The following TRANK1 variants were observed in gnomAD, a reference collection of about 807,000 sequenced individuals.
TRANK1 encodes tetratricopeptide repeat and ankyrin repeat containing 1, also known as TPR and ankyrin repeat-containing protein 1.
In TRANK1, 198 loss-of-function variants were observed where a neutral mutation model predicts 266.0. The observed-to-expected ratio is 0.74, with a 90% CI of 0.66 to 0.84. TRANK1 has a LOEUF of 0.84. Among genes scored for constraint, TRANK1 ranks in the 40% least tolerant of loss-of-function variants. The pLI, the probability that TRANK1 is intolerant of heterozygous loss-of-function variation, is 0.00. For synonymous variants in TRANK1, 1,396 were observed against 1,384.1 expected (o/e 1.01, Z -0.19); for missense variants, 3,326 against 3,634.6 (o/e 0.92, Z 2.18).
chr3:36,880,813 A>C (rs1196631507), intron 8 of TRANK1: 2 of 151,626 alleles, frequency 1.3e-5, no homozygotes, highest in African/African-American at 4.9e-5. Flanking sequence ...ATATGTATAC[A>C]TGTGCCATGT....
At chr3:36,829,420 T>C in intron 23 of TRANK1, 144 bp downstream of exon 23, 1 of 678,300 alleles carries the variant, frequency 1.5e-6, no homozygotes, top group South Asian at 1.9e-5. Flanking sequence ...GTAATTTGAG[T>C]CACTGGAGGT....
intron 10 of TRANK1, among the ~76,000 whole-genome samples, chr3:36,861,855 G>A (rs1447457199): frequency 6.6e-6 from 1 of 151,830 alleles, no homozygotes; most frequent in Non-Finnish European, 1.5e-5. Context: ...ACAGGCGCCC[G>A]CCACAACACC....
chr3:36,943,596 A>G (rs972675629), intron 1 of TRANK1, among the ~76,000 whole-genome samples: 1 of 149,926 alleles, frequency 6.7e-6, no homozygotes. Context: ...CAAACTCCTG[A>G]CCACCGTCCC....
chr3:36,888,799 T>C (rs1010169276), intron 8 of TRANK1, among the ~76,000 whole-genome samples: 1 of 152,218 alleles, frequency 6.6e-6, no homozygotes, highest in Non-Finnish European at 1.5e-5. Context: ...AGCTCATGCC[T>C]GTATCCCAGT....
chr3:36,852,462 T>C, intron 13 of TRANK1, 117 bp from the exon 14 acceptor site: 4 of 936,052 alleles, frequency 4.3e-6, no homozygotes, highest in Non-Finnish European at 6.2e-6. Flanking sequence ...ACAGTATGTA[T>C]AATTGCAAGC....
chr3:36,886,904 ATTTTTTT>A (rs11445289), intron 8 of TRANK1, among the ~76,000 whole-genome samples: 2 of 117,644 alleles, frequency 1.7e-5, no homozygotes, highest in African/African-American at 6.6e-5. Context: ...TTTTTGTTGG[ATTTTTTT>A]TTTTTTTTTT....
chr3:36,883,757 A>G (rs2079564350), intron 8 of TRANK1, among the ~76,000 whole-genome samples: 1 of 152,254 alleles, frequency 6.6e-6, no homozygotes, highest in African/African-American at 2.4e-5. Context: ...TCCTAGAACC[A>G]TGGTAATATT....
intron 1 of TRANK1, among the ~76,000 whole-genome samples, chr3:36,924,693 G>A (rs921075880): frequency 2.0e-5 from 3 of 152,154 alleles, no homozygotes; most frequent in Non-Finnish European, 2.9e-5. Flanking sequence ...CCCCCTCCTC[G>A]TTGCCCTAAG....
rs759413197 is a variant in TRANK1, at chr3:36,829,640, C to T, written c.8733G>A (p.Leu2911=). 2 of 1,613,806 alleles carry T rather than the reference C, an allele frequency of 1.2e-6. No homozygotes were observed. The highest frequency in any genetic ancestry group is 1.7e-5 in the Admixed American group (1 of 60,006). The change falls in exon 23 of 24, where the codon CTG becomes CTA. Residue 2911 remains leucine, a synonymous_variant. Coordinates refer to ENST00000645898, the MANE Select transcript of TRANK1 (RefSeq NM_001329998.2). ...TGACTGACAGGATCAGAATGTTGAC[C>T]AGCCGAGTCATCGCCTCCTCCGCTT... is the stretch of plus-strand genomic sequence containing the variant. The part of the protein sequence containing the change: ...WAGAEEAMTR[L]VNILILSVRD...
intron 10 of TRANK1, among the ~76,000 whole-genome samples, chr3:36,863,114 T>C (rs1167188582): frequency 6.6e-6 from 1 of 151,422 alleles, no homozygotes; most frequent in African/African-American, 2.4e-5. Context: ...TCAAGAAAGG[T>C]ACAAAGAGTA....
Position 36,832,683 on chromosome 3 carries a change from G to C in TRANK1, c.6900C>G (p.Phe2300Leu), listed in dbSNP as rs751367400. 3 of 1,614,052 alleles carry C rather than the reference G, an allele frequency of 1.9e-6. 1 individual carries two copies. The East Asian group carries it at 6.7e-5, about 36-fold the overall frequency. The change falls in exon 22 of 24, where the codon TTC becomes TTG. Residue 2300 changes from phenylalanine (F) to leucine (L), a missense_variant. Phe to Leu is a conservative substitution (Grantham distance 22). Coordinates refer to ENST00000645898, the MANE Select transcript of TRANK1 (RefSeq NM_001329998.2). ...CCTTCAAAGCAAATCTGTAGAACCG[G>C]AAGGATTTGTAATTTGGTTTGAGGA... is the stretch of plus-strand genomic sequence containing the variant. Reference protein sequence around the residue: ...KEILKPNYKSFRFYRFALKEY... With the variant: ...KEILKPNYKSLRFYRFALKEY...
At chr3:36,896,021 T>C (rs1012529711) in intron 4 of TRANK1, among the ~76,000 whole-genome samples, 1 of 152,226 alleles carries the variant, frequency 6.6e-6, no homozygotes, top group Non-Finnish European at 1.5e-5. Context: ...CCCAGTGATA[T>C]GTGCTTATGT....
At chr3:36,914,182 G>A (rs2080093422) in intron 1 of TRANK1, among the ~76,000 whole-genome samples, 1 of 151,684 alleles carries the variant, frequency 6.6e-6, no homozygotes, top group Admixed American at 6.6e-5. Flanking sequence ...CGCCCAGGCT[G>A]GAGTGCGGTG....
Position 36,944,952 on chromosome 3 carries a change from G to T in TRANK1, c.-143C>A. On this transcript the variant is annotated 5_prime_UTR_variant, in exon 1 of 24. Transcript: ENST00000645898. ...GGCGCGATGCAGAGGCGGCGTTCGGGGGCCCCCAGCTGCCTGCGGCTCGGC... is the reference window on the plus strand; with the variant it reads ...GGCGCGATGCAGAGGCGGCGTTCGGTGGCCCCCAGCTGCCTGCGGCTCGGC... 2.3e-6 allele frequency: 2 copies of T among 879,576 alleles called. No homozygotes were observed. The highest frequency in any genetic ancestry group is 3.1e-6 in the Non-Finnish European group (2 of 638,822). 54.5% of individuals were successfully genotyped at this position (879,576 alleles called of 1,614,324 possible).
Position 36,892,915 on chromosome 3 carries a change from T to C in TRANK1, c.622A>G (p.Lys208Glu). ...TATCACCTTACCTCAAAGAGACTTTTCAGTGATAACTCTGGGACATGAATA... is the reference window on the plus strand; with the variant it reads ...TATCACCTTACCTCAAAGAGACTTTCCAGTGATAACTCTGGGACATGAATA... ...RNIHVPELSLKSLFEKYVFIG... is the reference protein window; with the variant it reads ...RNIHVPELSLESLFEKYVFIG... Residue 208 changes from lysine (K) to glutamate (E), a missense_variant, in exon 6 of 24, where the codon AAA (lysine) becomes GAA (glutamate). Transcript: ENST00000645898. 1 of 1,484,758 alleles carries C rather than the reference T, an allele frequency of 6.7e-7. No individual in the cohort carries two copies. The allele number at this position is 1,484,758 out of a possible 1,614,324, so 92.0% of individuals were successfully genotyped here.
intron 1 of TRANK1, among the ~76,000 whole-genome samples, chr3:36,914,118 G>C (rs1187451773): frequency 6.6e-6 from 1 of 151,706 alleles, no homozygotes; most frequent in African/African-American, 2.4e-5. Context: ...TCTCTTGACT[G>C]TTTTTGGGTT....
At chr3:36,899,288 A>G in intron 3 of TRANK1, 29 bp from the exon 4 acceptor site, 1 of 1,533,340 alleles carries the variant, frequency 6.5e-7, no homozygotes. Flanking sequence ...CAAAACTGTC[A>G]TGTACCACAT....
At chr3:36,902,118 T>TA (rs1041016803) in intron 3 of TRANK1, among the ~76,000 whole-genome samples, 1 of 152,144 alleles carries the variant, frequency 6.6e-6, no homozygotes. Flanking sequence ...TGATAAGCTT[T>TA]AAAAAAATAA....
At chr3:36,928,148 T>G (rs2080313719) in intron 1 of TRANK1, among the ~76,000 whole-genome samples, 1 of 152,188 alleles carries the variant, frequency 6.6e-6, no homozygotes, top group Non-Finnish European at 1.5e-5. Flanking sequence ...TAAGTTTCTA[T>G]CTACTTGTTC....
Sources: allele counts gnomAD v4.1 joint callset (sites outside exome capture counted in the v4.1 genomes callset), GRCh38; gene constraint gnomAD v4.1.1; transcripts MANE v1.5; gene names NCBI Gene and HGNC (gene_info 2026-07-23, HGNC 2026-07-21).